The following ADK variants were observed in gnomAD, a reference collection of about 807,000 sequenced individuals.
ADK encodes N6,N6-dimethyladenosine kinase.
ADK carries 24 observed loss-of-function variants against 44.7 expected under a neutral mutation model. The observed-to-expected ratio is 0.54, with a 90% CI of 0.39 to 0.76. ADK has a LOEUF of 0.76. Ranked by LOEUF, ADK falls within the 30% of genes least tolerant of loss-of-function variation. ADK has a pLI of 0.00. For missense variants in ADK, 321 were observed against 425.1 expected (o/e 0.76, Z 2.15); for synonymous variants, 128 against 142.6 (o/e 0.90, Z 0.73).
chr10:74,343,030 G>A (rs1455526852), intron 4 of ADK, among the ~76,000 whole-genome samples: 1 of 152,132 alleles, frequency 6.6e-6, no homozygotes, highest in African/African-American at 2.4e-5. Flanking sequence ...AACAGAAGTG[G>A]CAAGAAGAGA....
intron 7 of ADK, among the ~76,000 whole-genome samples, chr10:74,537,750 A>T (rs1849503685): frequency 6.6e-6 from 1 of 152,200 alleles, no homozygotes; most frequent in Non-Finnish European, 1.5e-5. Context: ...TCATGATAAT[A>T]ACTGCTTTGT....
At chr10:74,519,429 C>A (rs11001059) in intron 6 of ADK, among the ~76,000 whole-genome samples, 91,883 of 151,750 alleles carry the variant, frequency 0.61, 30,351 homozygotes, top group Middle Eastern at 0.78. Flanking sequence ...AAAATTCAAG[C>A]CTCTCTTTGC....
chr10:74,463,694 T>C (rs1338858344), intron 6 of ADK, among the ~76,000 whole-genome samples: 3 of 152,198 alleles, frequency 2.0e-5, no homozygotes, highest in Admixed American at 6.5e-5. Context: ...TCTAATTGTG[T>C]CATTGAATTT....
intron 6 of ADK, among the ~76,000 whole-genome samples, chr10:74,426,396 G>A (rs1390443393): frequency 6.6e-6 from 1 of 152,054 alleles, no homozygotes; most frequent in Non-Finnish European, 1.5e-5. Context: ...AATATACTCT[G>A]GAACATACAA....
intron 6 of ADK, among the ~76,000 whole-genome samples, chr10:74,510,391 A>G (rs1848258176): frequency 6.6e-6 from 1 of 152,006 alleles, no homozygotes; most frequent in South Asian, 2.1e-4. Context: ...TCATTTACCT[A>G]TTTTTTAATA....
intron 10 of ADK, among the ~76,000 whole-genome samples, chr10:74,683,250 G>A (rs1024812284): frequency 2.6e-5 from 4 of 152,258 alleles, no homozygotes; most frequent in African/African-American, 9.6e-5. Context: ...GTCCTTGTTT[G>A]GTAGAGCTAT....
intron 6 of ADK, among the ~76,000 whole-genome samples, chr10:74,510,127 A>G (rs891382237): frequency 1.3e-5 from 2 of 152,184 alleles, no homozygotes; most frequent in African/African-American, 4.8e-5. Context: ...ATCATGTAGT[A>G]GTTCTACTTG....
chr10:74,309,844 C>G (rs570405657), intron 3 of ADK, among the ~76,000 whole-genome samples: 1 of 151,802 alleles, frequency 6.6e-6, no homozygotes, highest in African/African-American at 2.4e-5. Flanking sequence ...AAGGACATCC[C>G]GTATTATATT....
chr10:74,589,427 C>A, intron 8 of ADK, 110 bp downstream of exon 8: 1 of 1,128,896 alleles, frequency 8.9e-7, no homozygotes, highest in Non-Finnish European at 1.3e-6. Flanking sequence ...CAGAGCCTCG[C>A]AGCAGTTGCC....
intron 8 of ADK, among the ~76,000 whole-genome samples, chr10:74,598,503 G>T (rs1315205407): frequency 7.7e-6 from 1 of 130,446 alleles, no homozygotes; most frequent in Non-Finnish European, 1.5e-5. Flanking sequence ...AGGCTGCAGT[G>T]CAGTGGCATG....
intron 9 of ADK, among the ~76,000 whole-genome samples, chr10:74,643,664 T>A (rs1165159879): frequency 1.3e-5 from 2 of 152,226 alleles, no homozygotes; most frequent in African/African-American, 4.8e-5. Flanking sequence ...TGTATTACTG[T>A]TTATTTTTTA....
chr10:74,246,691 A>G (rs1210358224), intron 3 of ADK, among the ~76,000 whole-genome samples: 2 of 152,224 alleles, frequency 1.3e-5, no homozygotes, highest in African/African-American at 2.4e-5. Flanking sequence ...TAGAAAGTCA[A>G]GATAACAACT....
intron 4 of ADK, among the ~76,000 whole-genome samples, chr10:74,384,398 G>A (rs578059018): frequency 2.0e-5 from 3 of 152,224 alleles, no homozygotes; most frequent in East Asian, 1.9e-4. Context: ...GGCTGGGCAC[G>A]GTTGCTCACA....
intron 3 of ADK, among the ~76,000 whole-genome samples, chr10:74,258,176 G>GT (rs1390152291): frequency 6.6e-6 from 1 of 152,072 alleles, no homozygotes; most frequent in African/African-American, 2.4e-5. Context: ...GTTTAGTGTT[G>GT]TAAGTAGACA....
intron 6 of ADK, among the ~76,000 whole-genome samples, chr10:74,499,478 G>C (rs1847813338): frequency 6.6e-6 from 1 of 152,186 alleles, no homozygotes. Flanking sequence ...CACGAGGTCA[G>C]GAGATCGAGA....
intron 9 of ADK, among the ~76,000 whole-genome samples, chr10:74,618,194 T>C (rs1273556954): frequency 6.6e-6 from 1 of 152,218 alleles, no homozygotes; most frequent in Non-Finnish European, 1.5e-5. Context: ...TGTATTTGTG[T>C]TCATATCTTA....
At chr10:74,472,710 G>A (rs1372086406) in intron 6 of ADK, among the ~76,000 whole-genome samples, 2 of 152,122 alleles carry the variant, frequency 1.3e-5, no homozygotes, top group Non-Finnish European at 1.5e-5. Flanking sequence ...CACTTATCAA[G>A]TGCTCATATA....
In ADK at chr10:74,708,392, A is replaced by G. The variant is rs754070013; in HGVS notation, c.1036A>G (p.Ile346Val). Reference protein sequence around the residue: ...CIRAGHYAASIIIRRTGCTFP... With the variant: ...CIRAGHYAASVIIRRTGCTFP... ...CCGTGCTGGCCACTATGCAGCAAGC[A>G]TCATAATTAGACGGACTGGCTGCAC... The change falls in exon 11 of 11, where the codon ATC (isoleucine) becomes GTC (valine). Residue 346 changes from isoleucine to valine, a missense_variant. Ile to Val is a conservative substitution (Grantham distance 29). Coordinates refer to ENST00000539909, the MANE Select transcript of ADK (RefSeq NM_006721.4). The G allele has an allele frequency of 6.2e-7, 1 of 1,613,022 alleles. No individual in the cohort carries two copies. The highest frequency in any genetic ancestry group is 8.5e-7 in the Non-Finnish European group (1 of 1,179,690).
intron 6 of ADK, among the ~76,000 whole-genome samples, chr10:74,420,500 G>C (rs551327049): frequency 2.1e-4 from 32 of 152,166 alleles, no homozygotes; most frequent in Admixed American, 2.0e-3. Flanking sequence ...TTAATAAATA[G>C]TTTTGGCTTT....
Sources: gnomAD v4.1 joint callset for allele counts (sites outside exome capture counted in the v4.1 genomes callset) on GRCh38, gnomAD v4.1.1 for gene constraint, MANE v1.5 for transcripts, NCBI Gene and HGNC (gene_info 2026-07-23, HGNC 2026-07-21) for gene names.